Variants in RBFOX1 observed in about 807,000 individuals in gnomAD.
The protein encoded by RBFOX1 is RNA binding protein fox-1 homolog 1.
A neutral mutation model predicts 57.7 loss-of-function variants in RBFOX1; 8 were observed. The observed-to-expected ratio is 0.14, with a 90% CI of 0.08 to 0.25. The LOEUF is 0.25. Ranked by LOEUF, RBFOX1 falls within the 10% of genes least tolerant of loss-of-function variation. The pLI is 1.00. For synonymous variants in RBFOX1, 326 were observed against 222.4 expected (o/e 1.47, Z -4.15); for missense variants, 611 against 548.5 (o/e 1.11, Z -1.14).
intron 4 of RBFOX1, among the ~76,000 whole-genome samples, chr16:7,312,116 ACGCCTGTAAT>A: frequency 6.6e-6 from 1 of 152,364 alleles, no homozygotes; most frequent in East Asian, 1.9e-4. Context: ...GCAGTGGCCC[ACGCCTGTAAT>A]CCCAGCACTT....
chr16:6,012,323 T>G (rs551632581), intron 4 of RBFOX1, among the ~76,000 whole-genome samples: 1 of 152,206 alleles, frequency 6.6e-6, no homozygotes, highest in Admixed American at 6.5e-5. Flanking sequence ...GTATGCTAAT[T>G]GCTATTCATA....
chr16:5,515,257 G>C (rs2043749006), intron 2 of RBFOX1, among the ~76,000 whole-genome samples: 1 of 152,258 alleles, frequency 6.6e-6, no homozygotes, highest in Non-Finnish European at 1.5e-5. Context: ...ATGTGGGCAA[G>C]TGGTCTGGGT....
rs570968466 is a variant in RBFOX1 at position 6,331,368 on chromosome 16, G to T, written c.-64+14311G>T. Among the ~76,000 whole-genome samples, 8 of 152,058 alleles carry T rather than the reference G, an allele frequency of 5.3e-5. No individual in the cohort carries two copies. In the South Asian group the frequency reaches 1.7e-3, roughly 32 times the overall value. Reference sequence around the variant, plus strand: ...AGGCTGAGGCAGGAGAATCATTTGAGCCCGGGAGGTGGAGGTTGCAGTGAG... The same window carrying T: ...AGGCTGAGGCAGGAGAATCATTTGATCCCGGGAGGTGGAGGTTGCAGTGAG... On this transcript the variant is annotated intron_variant, in intron 2 of 15. Transcript: ENST00000550418.
intron 2 of RBFOX1, among the ~76,000 whole-genome samples, chr16:6,438,216 C>T (rs1036881936): frequency 2.0e-5 from 3 of 152,200 alleles, no homozygotes; most frequent in African/African-American, 7.2e-5. Flanking sequence ...TGATAGCCAG[C>T]ACTTAATAAA....
At chr16:5,286,959 T>A (rs893995884) in intron 1 of RBFOX1, among the ~76,000 whole-genome samples, 1 of 152,208 alleles carries the variant, frequency 6.6e-6, no homozygotes, top group African/African-American at 2.4e-5. Flanking sequence ...GGGCCAACTT[T>A]TTCTAAAGAA....
intron 4 of RBFOX1, among the ~76,000 whole-genome samples, chr16:7,273,460 T>C (rs931083491): frequency 6.6e-6 from 1 of 152,150 alleles, no homozygotes; most frequent in African/African-American, 2.4e-5. Flanking sequence ...TTCTCTCTGC[T>C]GCATCAAGGG....
chr16:7,286,079 C>G (rs1412167299), intron 4 of RBFOX1, among the ~76,000 whole-genome samples: 1 of 152,114 alleles, frequency 6.6e-6, no homozygotes, highest in Admixed American at 6.6e-5. Context: ...ACATAATTTA[C>G]CACTCTATAA....
chr16:7,023,668 C>T (rs958761714), intron 3 of RBFOX1, among the ~76,000 whole-genome samples: 1 of 151,290 alleles, frequency 6.6e-6, no homozygotes, highest in African/African-American at 2.4e-5. Flanking sequence ...AACTCCTCTG[C>T]CTAGGTTATC....
intron 2 of RBFOX1, among the ~76,000 whole-genome samples, chr16:5,535,468 C>T (rs183165526): frequency 1.1e-4 from 16 of 152,190 alleles, no homozygotes; most frequent in African/African-American, 2.6e-4. Flanking sequence ...CCCAAGAAAA[C>T]GTGAGGTGAA....
chr16:6,563,673 A>G (rs2097214923), intron 2 of RBFOX1, among the ~76,000 whole-genome samples: 1 of 152,200 alleles, frequency 6.6e-6, no homozygotes, highest in Admixed American at 6.5e-5. Context: ...GCAAAAGCTC[A>G]TCTCTACAAA....
At chr16:6,436,018 T>G (rs563328666) in intron 2 of RBFOX1, among the ~76,000 whole-genome samples, 1 of 152,230 alleles carries the variant, frequency 6.6e-6, no homozygotes, top group Admixed American at 6.5e-5. Flanking sequence ...AAGTTAAAAG[T>G]CAAGTTAGAA....
intron 3 of RBFOX1, among the ~76,000 whole-genome samples, chr16:6,863,165 A>T (rs1603633753): frequency 6.6e-6 from 1 of 152,214 alleles, no homozygotes; most frequent in East Asian, 1.9e-4. Flanking sequence ...AGTCTAGGTG[A>T]AAAAACAGGA....
chr16:6,088,020 A>G (rs1418871778), intron 1 of RBFOX1, among the ~76,000 whole-genome samples: 2 of 152,036 alleles, frequency 1.3e-5, no homozygotes, highest in Non-Finnish European at 2.9e-5. Context: ...TTTTATTCTA[A>G]TCAAGCATAT....
At chr16:6,028,509 T>TTA (rs368155620) in intron 1 of RBFOX1, among the ~76,000 whole-genome samples, 6 of 104,520 alleles carry the variant, frequency 5.7e-5, no homozygotes, top group African/African-American at 2.1e-4. Flanking sequence ...CTGTCTCTGT[T>TTA]AAAAAAAAAA....
At chr16:6,821,610 G>A (rs986702272) in intron 3 of RBFOX1, among the ~76,000 whole-genome samples, 8 of 152,144 alleles carry the variant, frequency 5.3e-5, no homozygotes, top group Non-Finnish European at 8.8e-5. Flanking sequence ...GGATGTGTCC[G>A]TTTATGATAT....
chr16:5,744,973 T>C (rs1489866436), intron 3 of RBFOX1, among the ~76,000 whole-genome samples: 1 of 152,174 alleles, frequency 6.6e-6, no homozygotes, highest in Non-Finnish European at 1.5e-5. Context: ...CTTTTAGTTC[T>C]AGGCTACATG....
At chr16:7,205,925 A>G (rs1016023023) in intron 4 of RBFOX1, among the ~76,000 whole-genome samples, 1 of 152,252 alleles carries the variant, frequency 6.6e-6, no homozygotes, top group Non-Finnish European at 1.5e-5. Context: ...TGTTTATGCT[A>G]GAATACAGGA....
At chr16:5,346,652 A>C (rs919365193) in intron 1 of RBFOX1, among the ~76,000 whole-genome samples, 1 of 152,172 alleles carries the variant, frequency 6.6e-6, no homozygotes, top group African/African-American at 2.4e-5. Context: ...GCAATACAGG[A>C]GAGTGGAGTG....
intron 1 of RBFOX1, among the ~76,000 whole-genome samples, chr16:6,234,568 G>A (rs560442783): frequency 7.9e-5 from 12 of 152,294 alleles, no homozygotes; most frequent in African/African-American, 2.9e-4. Flanking sequence ...AAATGGGGTG[G>A]ATGTGTGGGG....
Sources: allele counts gnomAD v4.1 joint callset (sites outside exome capture counted in the v4.1 genomes callset), GRCh38; gene constraint gnomAD v4.1.1; transcripts MANE v1.5; gene names NCBI Gene and HGNC (gene_info 2026-07-23, HGNC 2026-07-21).